COG6: variants seen among roughly 807,000 people sequenced by gnomAD.
The protein encoded by COG6 is component of oligomeric golgi complex 6.
In COG6, 74 loss-of-function variants were observed where a neutral mutation model predicts 88.8. That is an observed-to-expected ratio of 0.83 (90% CI 0.69 to 1.01). COG6 has a LOEUF of 1.01. COG6 is among the 50% of genes least tolerant of loss of function. The pLI is 0.00. For missense variants in COG6, 800 were observed against 797.9 expected (o/e 1.00, Z -0.03); for synonymous variants, 286 against 278.7 (o/e 1.03, Z -0.26).
chr13:39,788,259 C>A, intron 18 of COG6: 3 of 1,377,714 alleles, frequency 2.2e-6, no homozygotes, highest in Non-Finnish European at 3.0e-6. Flanking sequence ...TGTGAATATG[C>A]AGGAATGTGA....
At chr13:39,669,476 GTC>G (rs1210542537) in intron 4 of COG6, among the ~76,000 whole-genome samples, 1 of 152,078 alleles carries the variant, frequency 6.6e-6, no homozygotes, top group Admixed American at 6.5e-5. Flanking sequence ...TGATTTGATT[GTC>G]TCTGTTTCTC....
downstream of COG6, among the ~76,000 whole-genome samples, chr13:39,756,881 G>A (rs1206902998): frequency 2.6e-5 from 4 of 152,040 alleles, no homozygotes; most frequent in South Asian, 2.1e-4. Flanking sequence ...ATTGCTCAAC[G>A]GAGTACTTGG....
chr13:39,686,939 A>G (rs1876681367), intron 8 of COG6, among the ~76,000 whole-genome samples: 1 of 151,628 alleles, frequency 6.6e-6, no homozygotes, highest in African/African-American at 2.4e-5. Context: ...TATTTTGCCC[A>G]GGCTGGTCTC....
intron 13 of COG6, among the ~76,000 whole-genome samples, chr13:39,718,739 G>T: frequency 6.6e-6 from 1 of 152,026 alleles, no homozygotes; most frequent in Non-Finnish European, 1.5e-5. Flanking sequence ...GGACCCATGG[G>T]TTACCTTCTT....
Position 39,694,592 on chromosome 13 carries a change from A to G in COG6, c.1075-42A>G, listed in dbSNP as rs765327733. On this transcript the variant is annotated intron_variant, in intron 11 of 18. Transcript: ENST00000455146. ...TATGTTATTAATGAAAAAAAGTTAT[A>G]CTTTTAAGAAATGTTTACTTTCCTC... The G allele has an allele frequency of 1.5e-5, 18 of 1,232,220 alleles. No individual in the cohort carries two copies. In the African/African-American group the frequency reaches 1.9e-4, roughly 13 times the overall value. The allele number at this position is 1,232,220 out of a possible 1,614,324, so 76.3% of individuals were successfully genotyped here. A position where few individuals can be genotyped will look rare whatever the true frequency, so the allele number is the denominator to read the frequency against.
intron 18 of COG6, among the ~76,000 whole-genome samples, chr13:39,772,054 C>T (rs1004464764): frequency 1.3e-5 from 2 of 152,206 alleles, no homozygotes; most frequent in Non-Finnish European, 2.9e-5. Context: ...CCAGCAAGGC[C>T]CTGTCCTGCT....
intron 17 of COG6, among the ~76,000 whole-genome samples, chr13:39,726,806 CACTT>C (rs1879157913): frequency 6.6e-6 from 1 of 151,950 alleles, no homozygotes; most frequent in Non-Finnish European, 1.5e-5. Flanking sequence ...CCCATCAATC[CACTT>C]ACTTAATGTA....
intron 18 of COG6, among the ~76,000 whole-genome samples, chr13:39,761,556 T>C (rs959490037): frequency 5.9e-5 from 9 of 151,860 alleles, no homozygotes; most frequent in African/African-American, 2.2e-4. Context: ...ACTAAAAAGA[T>C]TCAGCACAGT....
chr13:39,689,735 T>C, intron 10 of COG6, 25 bp from the exon 11 acceptor site: 7 of 1,525,846 alleles, frequency 4.6e-6, no homozygotes, highest in Non-Finnish European at 6.3e-6. Context: ...GAAACAAATA[T>C]TAATTATGTA....
At chr13:39,724,689 C>T in intron 17 of COG6, 128 bp downstream of exon 17, 2 of 738,794 alleles carry the variant, frequency 2.7e-6, no homozygotes, top group Non-Finnish European at 4.8e-6. Flanking sequence ...AACGTTGGGT[C>T]CAATAATAAT....
rs376716601 is a variant in COG6, at chr13:39,727,687, C to T, written c.1826+139C>T. On this transcript the variant is annotated intron_variant, in intron 18 of 18. Coordinates refer to ENST00000455146, the MANE Select transcript of COG6 (RefSeq NM_020751.3). ...CTATAGTTCTCAACCTTTCTTCTGCCTTGGCATGCCAAAGGATGAGATCTG... is the reference window on the plus strand; with the variant it reads ...CTATAGTTCTCAACCTTTCTTCTGCTTTGGCATGCCAAAGGATGAGATCTG... 324 of 728,242 alleles carry T rather than the reference C, an allele frequency of 4.4e-4. 1 individual carries two copies. The South Asian group carries it at 4.8e-3, about 11-fold the overall frequency. 45.1% of individuals were successfully genotyped at this position (728,242 alleles called of 1,614,324 possible).
chr13:39,655,732 A>G lies in COG6; in HGVS notation c.6A>G (p.Ala2=), dbSNP rs775916368. M[A]EGSGEVVAVS... ...GGGGCGGGACGCGCAGCGCTATGGC[A>G]GAGGGCAGCGGGGAAGTGGTCGCAG... The change falls in exon 1 of 19, where the codon GCA becomes GCG. Residue 2 remains alanine (A), a synonymous_variant. Transcript: ENST00000455146. The G allele has an allele frequency of 1.0e-5, 16 of 1,594,756 alleles. No individual in the cohort carries two copies. Among genetic ancestry groups the G allele is most frequent in the Non-Finnish European group, 9.4e-6 (11 of 1,170,408 alleles).
At chr13:39,701,047 G>A (rs1417226793) in intron 13 of COG6, among the ~76,000 whole-genome samples, 1 of 151,766 alleles carries the variant, frequency 6.6e-6, no homozygotes, top group African/African-American at 2.4e-5. Context: ...TATATAAGTG[G>A]GGAGGCTAGG....
chr13:39,730,500 G>A (rs906310763), intron 18 of COG6, among the ~76,000 whole-genome samples: 1 of 151,968 alleles, frequency 6.6e-6, no homozygotes, highest in Non-Finnish European at 1.5e-5. Flanking sequence ...GCCGGGCGTG[G>A]TGGTTCACTG....
At chr13:39,779,356 G>A (rs945908737) in intron 18 of COG6, among the ~76,000 whole-genome samples, 1 of 152,216 alleles carries the variant, frequency 6.6e-6, no homozygotes, top group Non-Finnish European at 1.5e-5. Flanking sequence ...AGTCACGTGT[G>A]TCTCTTAAAT....
At chr13:39,745,633 G>T (rs1004603496) in intron 18 of COG6, among the ~76,000 whole-genome samples, 9 of 152,232 alleles carry the variant, frequency 5.9e-5, no homozygotes, top group African/African-American at 2.2e-4. Flanking sequence ...CTTTTTCACT[G>T]TTGGTGGGAG....
intron 18 of COG6, among the ~76,000 whole-genome samples, chr13:39,747,863 G>A (rs1338335708): frequency 2.6e-5 from 4 of 152,110 alleles, no homozygotes; most frequent in African/African-American, 9.6e-5. Context: ...CACTACTTTA[G>A]AAGTTTCAAC....
intron 18 of COG6, among the ~76,000 whole-genome samples, chr13:39,730,707 G>A (rs1345736610): frequency 7.0e-6 from 1 of 141,960 alleles, no homozygotes; most frequent in Non-Finnish European, 1.5e-5. Flanking sequence ...CCGGGAGGTG[G>A]AGGTTGCAGT....
intron 12 of COG6, among the ~76,000 whole-genome samples, chr13:39,697,025 G>A (rs1877313936): frequency 6.7e-6 from 1 of 149,340 alleles, no homozygotes; most frequent in Non-Finnish European, 1.5e-5. Context: ...GAACAGCTGG[G>A]TGAATGGTAT....
Sources: gnomAD v4.1 joint callset for allele counts (sites outside exome capture counted in the v4.1 genomes callset) on GRCh38, gnomAD v4.1.1 for gene constraint, MANE v1.5 for transcripts, NCBI Gene and HGNC (gene_info 2026-07-23, HGNC 2026-07-21) for gene names.